Variants in YIPF7 observed in about 807,000 individuals in gnomAD.
YIPF7 encodes the protein protein YIPF7.
Under a neutral mutation model 27.2 loss-of-function variants are expected in YIPF7, and 35 were observed. That is an observed-to-expected ratio of 1.29 (90% CI 0.98 to 1.70). YIPF7 has a LOEUF of 1.70. Among genes scored for constraint, YIPF7 ranks in the 40% most tolerant of loss-of-function variants. The pLI is 0.00. For missense variants in YIPF7, 358 were observed against 303.7 expected (o/e 1.18, Z -1.33); for synonymous variants, 137 against 110.4 (o/e 1.24, Z -1.51).
chr4:44,631,515 G>A (rs1712896890), intron 3 of YIPF7, among the ~76,000 whole-genome samples: 1 of 151,494 alleles, frequency 6.6e-6, no homozygotes, highest in South Asian at 2.1e-4. Context: ...ACTTTCAGAG[G>A]GTCAGCTAGA....
At chr4:44,648,690 A>G (rs970123899) in intron 2 of YIPF7, among the ~76,000 whole-genome samples, 2 of 152,172 alleles carry the variant, frequency 1.3e-5, no homozygotes, top group Non-Finnish European at 2.9e-5. Flanking sequence ...TCACATTTAT[A>G]TGAATAAATA....
At chr4:44,635,556 C>T (rs571048953) in intron 3 of YIPF7, among the ~76,000 whole-genome samples, 39 of 152,192 alleles carry the variant, frequency 2.6e-4, no homozygotes, top group Non-Finnish European at 1.0e-4. Flanking sequence ...AAATAAAATA[C>T]GCTGTTATGA....
At chr4:44,623,965 A>G (rs1003936575) in intron 5 of YIPF7, among the ~76,000 whole-genome samples, 1 of 152,068 alleles carries the variant, frequency 6.6e-6, no homozygotes, top group African/African-American at 2.4e-5. Flanking sequence ...AAAATCAAAC[A>G]AGTGAAGTTC....
At chr4:44,651,706 A>G, upstream of YIPF7, 2 of 1,083,088 alleles carry the variant, frequency 1.8e-6, no homozygotes, top group Non-Finnish European at 2.6e-6. Context: ...TACAGTCAAA[A>G]ATAAAAAAGC....
chr4:44,656,965 C>T lies in YIPF7; in HGVS notation c.-2+3484G>A, dbSNP rs527454107. Among the ~76,000 whole-genome samples, 4 of 152,184 alleles carry T rather than the reference C, an allele frequency of 2.6e-5. No individual in the cohort carries two copies. The East Asian group carries it at 7.7e-4, about 29-fold the overall frequency. ...ACGTATGTTTATGTTGACCATATTT[C>T]CTTTAGCAAAGAAAGGTGAAATTCT... On this transcript the variant is annotated intron_variant, in intron 2 of 2. Transcript: ENST00000508947.
chr4:44,651,381 A>C (rs982759090), intron 1 of YIPF7, among the ~76,000 whole-genome samples, 173 bp downstream of exon 1: 1 of 152,214 alleles, frequency 6.6e-6, no homozygotes, highest in Admixed American at 6.5e-5. Context: ...TAACTTTCTC[A>C]ACACATGAAA....
chr4:44,629,425 G>T lies in YIPF7; in HGVS notation c.404C>A (p.Ala135Asp), dbSNP rs371876322. The T allele has an allele frequency of 6.3e-7, 1 of 1,595,956 alleles. No homozygotes were observed. Among genetic ancestry groups the T allele is most frequent in the Non-Finnish European group, 8.5e-7 (1 of 1,171,274 alleles). The change falls in exon 4 of 6, where the codon GCC (alanine) becomes GAC (aspartate). Residue 135 changes from alanine to aspartate, a missense_variant. By Grantham distance (126) the Ala-to-Asp change is moderately radical (BLOSUM62 -2). Coordinates refer to ENST00000415895, the MANE Select transcript of YIPF7 (RefSeq NM_182592.3). ...DLTGPILFCV[A>D]LGATLLLAGK... Reference sequence around the variant, plus strand: ...TACCAGAAGCAAGGTGGCTCCCAGGGCTACGCAAAAAAGAATGGGTCCAGT... The same window carrying T: ...TACCAGAAGCAAGGTGGCTCCCAGGTCTACGCAAAAAAGAATGGGTCCAGT...
At chr4:44,637,833 A>G (rs1386455379) in intron 2 of YIPF7, among the ~76,000 whole-genome samples, 1 of 152,164 alleles carries the variant, frequency 6.6e-6, no homozygotes, top group African/African-American at 2.4e-5. Context: ...TATAAGAGAG[A>G]ACATACAATG....
At chr4:44,653,987 G>A (rs1434129335), upstream of YIPF7, among the ~76,000 whole-genome samples, 9 of 151,876 alleles carry the variant, frequency 5.9e-5, no homozygotes, top group African/African-American at 1.2e-4. Flanking sequence ...AACCTGGCTC[G>A]ATTAAATGAA....
upstream of YIPF7, among the ~76,000 whole-genome samples, chr4:44,654,403 T>C (rs1241264694): frequency 6.6e-6 from 1 of 152,002 alleles, no homozygotes; most frequent in African/African-American, 2.4e-5. Context: ...TGTGTTCTAC[T>C]CATAGACACT....
intron 2 of YIPF7, among the ~76,000 whole-genome samples, chr4:44,649,750 T>G (rs945964651): frequency 2.0e-5 from 3 of 152,250 alleles, no homozygotes; most frequent in East Asian, 3.9e-4. Flanking sequence ...TGCACTCCAC[T>G]GCACTCCAGC....
At chr4:44,633,784 A>G (rs35793538) in intron 3 of YIPF7, among the ~76,000 whole-genome samples, 79,721 of 151,842 alleles carry the variant, frequency 0.53, 22,247 homozygotes, top group Non-Finnish European at 0.63. Context: ...TAAAATCCCT[A>G]AAAAATAAAC....
Position 44,650,111 on chromosome 4 carries a change from A to G in YIPF7, c.-1-10T>C. ...TGCCAAGTTTGACATCCTGAAAAATAAGAGTATGTTTTTAATAAGTTCATG... is the reference window on the plus strand; with the variant it reads ...TGCCAAGTTTGACATCCTGAAAAATGAGAGTATGTTTTTAATAAGTTCATG... On this transcript the variant is annotated splice_polypyrimidine_tract_variant and intron_variant, in intron 1 of 5. Transcript: ENST00000415895. The G allele has an allele frequency of 6.8e-7, 1 of 1,470,222 alleles. No individual in the cohort carries two copies. Among genetic ancestry groups the G allele is most frequent in the African/African-American group, 1.4e-5 (1 of 71,828 alleles). The allele number at this position is 1,470,222 out of a possible 1,614,324, so 91.1% of individuals were successfully genotyped here.
chr4:44,623,071 G>C (rs1034331490), intron 5 of YIPF7, among the ~76,000 whole-genome samples: 1 of 152,206 alleles, frequency 6.6e-6, no homozygotes, highest in Non-Finnish European at 1.5e-5. Context: ...CACAGCTCAA[G>C]TAAGGAACAC....
intron 2 of YIPF7, among the ~76,000 whole-genome samples, chr4:44,638,301 A>C (rs1713208763): frequency 6.7e-6 from 1 of 148,810 alleles, no homozygotes; most frequent in Non-Finnish European, 1.5e-5. Flanking sequence ...AGCCAGATGG[A>C]GCTGGACTAG....
At chr4:44,656,419 CACTT>C (rs1713903229), upstream of YIPF7, among the ~76,000 whole-genome samples, 1 of 151,948 alleles carries the variant, frequency 6.6e-6, no homozygotes, top group South Asian at 2.1e-4. Context: ...TTATCTCATC[CACTT>C]AATTCTATTT....
chr4:44,650,002 A>G lies in YIPF7; in HGVS notation c.99T>C (p.Asn33=), dbSNP rs1159739132. 1 of 1,557,972 alleles carries G rather than the reference A, an allele frequency of 6.4e-7. No homozygotes were observed. The highest frequency in any genetic ancestry group is 1.4e-5 in the African/African-American group (1 of 73,400). The part of the protein sequence containing the change: ...QSGNDSNAYG[N]LYGSRKQQAG... ...GTACTTACTTTCTAGATCCATAAAG[A>G]TTTCCATAGGCATTAGAGTCATTAC... Residue 33 remains asparagine, a synonymous_variant, in exon 2 of 6, where the codon AAT becomes AAC. Transcript: ENST00000415895.
intron 3 of YIPF7, 43 bp from the exon 4 acceptor site, chr4:44,629,591 T>A (rs1162908873): frequency 1.4e-5 from 20 of 1,393,852 alleles, no homozygotes; most frequent in Non-Finnish European, 1.9e-5. Flanking sequence ...AACATAAATA[T>A]AGAAAAATAA....
intron 1 of YIPF7, among the ~76,000 whole-genome samples, chr4:44,661,108 A>G (rs962574777): frequency 1.3e-5 from 2 of 152,222 alleles, no homozygotes; most frequent in Non-Finnish European, 2.9e-5. Context: ...ATTTGAAAAC[A>G]GAATAGTTTT....
Sources: allele counts gnomAD v4.1 joint callset (sites outside exome capture counted in the v4.1 genomes callset), GRCh38; gene constraint gnomAD v4.1.1; transcripts MANE v1.5; gene names NCBI Gene and HGNC (gene_info 2026-07-23, HGNC 2026-07-21).